VEPH1: variants seen among roughly 807,000 people sequenced by gnomAD.
VEPH1 encodes the protein ventricular zone-expressed PH domain-containing protein homolog 1.
In VEPH1, 80 loss-of-function variants were observed where a neutral mutation model predicts 85.2. The observed-to-expected ratio is 0.94, with a 90% CI of 0.78 to 1.13. The LOEUF (loss-of-function observed/expected upper bound fraction) is 1.13, where lower values mean the gene tolerates loss of function less well. VEPH1 is among the 50% of genes most tolerant of loss of function. The probability of loss-of-function intolerance (pLI) is 0.00; values close to 1 mark genes in which losing one functional copy is unlikely to be tolerated. For missense variants in VEPH1, 955 were observed against 980.5 expected, an observed-to-expected ratio of 0.97 and a Z score of 0.35; for synonymous variants, 297 against 348.0, an observed-to-expected ratio of 0.85 and a Z score of 1.63.
At chr3:157,411,456 A>G (rs996040518) in intron 6 of VEPH1, among the ~76,000 whole-genome samples, 1 of 152,158 alleles carries the variant, frequency 6.6e-6, no homozygotes, top group African/African-American at 2.4e-5. Context: ...TAAGAGAGAA[A>G]GCACCTTAAA....
intron 2 of VEPH1, among the ~76,000 whole-genome samples, chr3:157,476,543 T>G (rs1424215964): frequency 6.6e-6 from 1 of 152,194 alleles, no homozygotes; most frequent in Non-Finnish European, 1.5e-5. Flanking sequence ...ACCCCAATAC[T>G]GCTAGACTGA....
chr3:157,320,640 T>G (rs913261931), intron 9 of VEPH1, among the ~76,000 whole-genome samples: 1 of 152,154 alleles, frequency 6.6e-6, no homozygotes, highest in Non-Finnish European at 1.5e-5. Context: ...AGTTTCTTTA[T>G]TTTTATTGGA....
intron 6 of VEPH1, among the ~76,000 whole-genome samples, chr3:157,396,169 G>A (rs143784182): frequency 0.021 from 3,231 of 152,258 alleles, 57 homozygotes; most frequent in Non-Finnish European, 0.027. Flanking sequence ...CCACTTTTAA[G>A]TGAGAACATG....
chr3:157,465,981 T>A (rs1736338189), intron 3 of VEPH1, among the ~76,000 whole-genome samples: 1 of 152,196 alleles, frequency 6.6e-6, no homozygotes, highest in Non-Finnish European at 1.5e-5. Flanking sequence ...GAAGAGGCTG[T>A]GACTGCAGTA....
intron 6 of VEPH1, among the ~76,000 whole-genome samples, chr3:157,405,528 C>G (rs1731079283): frequency 6.6e-6 from 1 of 152,124 alleles, no homozygotes; most frequent in Admixed American, 6.6e-5. Context: ...AGCCCACTGT[C>G]CAGCCGCATC....
At chr3:157,276,940 T>A (rs942342778) in intron 12 of VEPH1, among the ~76,000 whole-genome samples, 1 of 151,490 alleles carries the variant, frequency 6.6e-6, no homozygotes, top group Admixed American at 6.6e-5. Context: ...GTCACCCAGG[T>A]TGGAATGCAG....
At chr3:157,492,421 A>G (rs1463430403) in intron 2 of VEPH1, among the ~76,000 whole-genome samples, 1 of 152,132 alleles carries the variant, frequency 6.6e-6, no homozygotes, top group African/African-American at 2.4e-5. Flanking sequence ...TACCAACAAA[A>G]TTGAGTTTTC....
intron 9 of VEPH1, among the ~76,000 whole-genome samples, chr3:157,319,076 A>G (rs1559954836): frequency 6.6e-6 from 1 of 152,154 alleles, no homozygotes. Flanking sequence ...AGAGCGGCCA[A>G]TGAGAGATTA....
Position 157,501,552 on chromosome 3 carries a change from C to T in VEPH1, c.-158+1725G>A, listed in dbSNP as rs147238123. On this transcript the variant is annotated intron_variant, in intron 1 of 13. Coordinates refer to ENST00000362010, the MANE Select transcript of VEPH1 (RefSeq NM_001167912.2). ...CAAGGTGACGTACACTCAATGCCCA[C>T]TAATAAAACATTAGTGGCTTACTCT... 2.6e-5 allele frequency among the ~76,000 whole-genome samples: 4 copies of T among 152,280 alleles called. No individual in the cohort carries two copies. In the East Asian group the frequency reaches 5.8e-4, roughly 22 times the overall value.
At chr3:157,418,935 AC>A (rs1732123743) in intron 5 of VEPH1, among the ~76,000 whole-genome samples, 1 of 152,196 alleles carries the variant, frequency 6.6e-6, no homozygotes, top group East Asian at 1.9e-4. Context: ...ATACTAAACT[AC>A]GAGGCTACAG....
At chr3:157,350,009 A>C (rs1724691980) in intron 9 of VEPH1, among the ~76,000 whole-genome samples, 1 of 152,168 alleles carries the variant, frequency 6.6e-6, no homozygotes, top group Non-Finnish European at 1.5e-5. Flanking sequence ...TCACATAAAT[A>C]GAAAAAAAAT....
intron 12 of VEPH1, among the ~76,000 whole-genome samples, chr3:157,281,858 C>CT (rs1716175112): frequency 6.6e-6 from 1 of 152,098 alleles, no homozygotes; most frequent in Non-Finnish European, 1.5e-5. Context: ...TCTTTTATCA[C>CT]TTTTAAAGTT....
At chr3:157,340,873 C>T (rs1442760458) in intron 9 of VEPH1, among the ~76,000 whole-genome samples, 1 of 152,200 alleles carries the variant, frequency 6.6e-6, no homozygotes, top group Non-Finnish European at 1.5e-5. Context: ...CAGCAATATT[C>T]GTTGTTCTGC....
chr3:157,333,720 GC>G (rs1559967320), intron 9 of VEPH1, among the ~76,000 whole-genome samples: 1 of 152,188 alleles, frequency 6.6e-6, no homozygotes, highest in East Asian at 1.9e-4. Context: ...GTGATCCCCT[GC>G]AGGTACCATT....
At chr3:157,460,042 G>T (rs182233566) in intron 4 of VEPH1, 139 bp downstream of exon 4, 1 of 1,581,772 alleles carries the variant, frequency 6.3e-7, no homozygotes, top group Non-Finnish European at 8.6e-7. Flanking sequence ...CATGTTCACA[G>T]GTCAACTGGC....
chr3:157,313,561 A>G (rs937800087), intron 11 of VEPH1, 60 bp downstream of exon 11: 3 of 1,550,824 alleles, frequency 1.9e-6, no homozygotes. Context: ...AAAAAGGGAA[A>G]CTGTTTCAAG....
intron 9 of VEPH1, among the ~76,000 whole-genome samples, chr3:157,338,259 A>G (rs34263112): frequency 0.47 from 71,360 of 152,036 alleles, 18,412 homozygotes; most frequent in Admixed American, 0.62. Context: ...AATATGCAAC[A>G]AATTAGCCAT....
intron 11 of VEPH1, among the ~76,000 whole-genome samples, chr3:157,306,127 A>G (rs1185646028): frequency 1.3e-5 from 2 of 152,164 alleles, no homozygotes; most frequent in East Asian, 3.8e-4. Flanking sequence ...ACAAATACCC[A>G]TGTACCTGCC....
chr3:157,498,297 AT>A (rs1577823579), intron 1 of VEPH1, among the ~76,000 whole-genome samples: 1 of 152,136 alleles, frequency 6.6e-6, no homozygotes, highest in African/African-American at 2.4e-5. Context: ...TATTTGCAAA[AT>A]GGGGCTAATA....
Sources: gnomAD v4.1 joint callset for allele counts (sites outside exome capture counted in the v4.1 genomes callset) on GRCh38, gnomAD v4.1.1 for gene constraint, MANE v1.5 for transcripts, NCBI Gene and HGNC (gene_info 2026-07-23, HGNC 2026-07-21) for gene names.